ARIH1: variants seen among roughly 807,000 people sequenced by gnomAD.
ARIH1 encodes the protein ariadne RBR E3 ubiquitin protein ligase 1.
Under a neutral mutation model 85.0 loss-of-function variants are expected in ARIH1, and 8 were observed. That is an observed-to-expected ratio of 0.09 (90% CI 0.06 to 0.17). The LOEUF (loss-of-function observed/expected upper bound fraction) is 0.17, where lower values mean the gene tolerates loss of function less well. ARIH1 is among the 10% of genes least tolerant of loss of function. The pLI, the probability that ARIH1 is intolerant of heterozygous loss-of-function variation, is 1.00. For synonymous variants in ARIH1, 238 were observed against 253.6 expected (o/e 0.94, Z 0.59); for missense variants, 311 against 718.1 (o/e 0.43, Z 6.48).
Position 72,489,394 on chromosome 15 carries a change from G to C in ARIH1, c.375+14380G>C, listed in dbSNP as rs2063849994. 3.9e-5 allele frequency among the ~76,000 whole-genome samples: 6 copies of C among 152,088 alleles called. No individual in the cohort carries two copies. In the South Asian group the frequency reaches 1.0e-3, roughly 26 times the overall value. ...TTCTGGCATTTGTGCTGATGTTGCAGGGCAATGAGGAGGTAAAACCACTGG... is the reference window on the plus strand; with the variant it reads ...TTCTGGCATTTGTGCTGATGTTGCACGGCAATGAGGAGGTAAAACCACTGG... On this transcript the variant is annotated intron_variant, in intron 1 of 13. Coordinates refer to ENST00000379887, the MANE Select transcript of ARIH1 (RefSeq NM_005744.5).
In ARIH1 at chr15:72,599,499, GT is replaced by G. The variant is rs1369068475; in HGVS notation, c.*16208del. 6.6e-6 allele frequency: 1 copy of G among 152,026 alleles called. No homozygotes were observed. The highest frequency in any genetic ancestry group is 2.4e-5 in the African/African-American group (1 of 41,372). 9.4% of individuals were successfully genotyped at this position (152,026 alleles called of 1,614,324 possible). ...CTTTTCCAAACTGTATTTCTAAAATGTGTCAATATCTCTTCCTTTTATTTTT... is the reference window on the plus strand; with the variant it reads ...CTTTTCCAAACTGTATTTCTAAAATGGTCAATATCTCTTCCTTTTATTTTT... On this transcript the variant is annotated 3_prime_UTR_variant, in exon 14 of 14. Transcript: ENST00000379887.
intron 11 of ARIH1, among the ~76,000 whole-genome samples, chr15:72,575,837 C>G (rs1036895308): frequency 3.3e-5 from 5 of 152,104 alleles, no homozygotes; most frequent in African/African-American, 1.2e-4. Flanking sequence ...TTGATACTTA[C>G]CTGACTCTTG....
intron 2 of ARIH1, among the ~76,000 whole-genome samples, chr15:72,520,840 T>C (rs2063996373): frequency 1.3e-5 from 2 of 148,802 alleles, no homozygotes; most frequent in Non-Finnish European, 3.0e-5. Context: ...GATGTTTGAA[T>C]TTTTTTTTTT....
chr15:72,489,075 CA>C (rs201550464), intron 1 of ARIH1, among the ~76,000 whole-genome samples: 1 of 151,148 alleles, frequency 6.6e-6, no homozygotes, highest in East Asian at 1.9e-4. Flanking sequence ...TTTTTCTCTA[CA>C]AAAAAAATAA....
rs774057607 is a variant in ARIH1, at chr15:72,474,856, G to C, written c.217G>C (p.Ala73Pro). 1.4e-6 allele frequency: 2 copies of C among 1,414,820 alleles called. No homozygotes were observed. The highest frequency in any genetic ancestry group is 5.8e-5 in the East Asian group (2 of 34,368). The allele number at this position is 1,414,820 out of a possible 1,614,324, so 87.6% of individuals were successfully genotyped here. ...CGETGGGGGS[A>P]LGPGGGGGGG... ...GGAGACGGGCGGTGGCGGCGGCAGC[G>C]CTCTGGGGCCCGGCGGTGGCGGCGG... Residue 73 changes from alanine (A) to proline (P), a missense_variant, in exon 1 of 14, where the codon GCT becomes CCT. Around this residue, in one of 3 missense-constraint regions of ARIH1, gnomAD observed 157 missense variants for 185.1 expected, o/e 0.85. Coordinates refer to ENST00000379887, the MANE Select transcript of ARIH1 (RefSeq NM_005744.5).
At chr15:72,577,191 G>C (rs935677288) in intron 11 of ARIH1, among the ~76,000 whole-genome samples, 6 of 151,500 alleles carry the variant, frequency 4.0e-5, no homozygotes, top group Non-Finnish European at 8.8e-5. Context: ...CATCATGTTG[G>C]TCAGGCTGGT....
At chr15:72,510,510 C>T (rs1300274097) in intron 1 of ARIH1, among the ~76,000 whole-genome samples, 2 of 151,542 alleles carry the variant, frequency 1.3e-5, no homozygotes, top group African/African-American at 2.4e-5. Context: ...TTTGGGAGGC[C>T]GAGGCGGGTG....
intron 5 of ARIH1, among the ~76,000 whole-genome samples, chr15:72,557,888 C>T (rs1382038632): frequency 6.6e-6 from 1 of 152,142 alleles, no homozygotes; most frequent in Non-Finnish European, 1.5e-5. Context: ...GAATTTTGTA[C>T]ATTGATTTTG....
At chr15:72,510,907 T>A (rs1595857032) in intron 1 of ARIH1, among the ~76,000 whole-genome samples, 2 of 152,136 alleles carry the variant, frequency 1.3e-5, no homozygotes, top group African/African-American at 4.8e-5. Context: ...TTCATAGTTA[T>A]GTTTTGAAAT....
chr15:72,483,190 G>A (rs774362030), intron 1 of ARIH1, among the ~76,000 whole-genome samples: 71 of 152,066 alleles, frequency 4.7e-4, no homozygotes, highest in Admixed American at 8.5e-4. Context: ...GCTTGACTGG[G>A]GAAGCTTCCC....
Position 72,595,808 on chromosome 15 carries a change from G to GTTTTTTTTTTTTTTTTTTTTC in ARIH1, c.*12534_*12535insTTCTTTTTTTTTTTTTTTTTT, listed in dbSNP as rs59597213. ...TATTGCAGTGTTTTTTGTTTTTTCT[G>GTTTTTTTTTTTTTTTTTTTTC]TTTTTTTTTTTTTTTTTTCATCTTT... On this transcript the variant is annotated 3_prime_UTR_variant, in exon 14 of 14. Transcript: ENST00000379887. The GTTTTTTTTTTTTTTTTTTTTC allele has an allele frequency of 8.1e-6, 1 of 122,836 alleles. No homozygotes were observed. The highest frequency in any genetic ancestry group is 1.7e-5 in the Non-Finnish European group (1 of 57,682). 7.6% of individuals were successfully genotyped at this position (122,836 alleles called of 1,614,324 possible).
rs190186702 is a variant in ARIH1 at position 72,531,414 on chromosome 15, C to T, written c.443+13280C>T. ...TTCTGAGTACCTGGAATTACAGGCACGAGCCACTAGGCCTGGTTAACTTTA... is the reference window on the plus strand; with the variant it reads ...TTCTGAGTACCTGGAATTACAGGCATGAGCCACTAGGCCTGGTTAACTTTA... On this transcript the variant is annotated intron_variant, in intron 2 of 13. Coordinates refer to ENST00000379887, the MANE Select transcript of ARIH1 (RefSeq NM_005744.5). 4.6e-3 allele frequency among the ~76,000 whole-genome samples: 696 copies of T among 151,532 alleles called. 6 individuals carry two copies. Among genetic ancestry groups the T allele is most frequent in the African/African-American group, 0.016 (649 of 41,486 alleles).
At chr15:72,577,740 G>T (rs1229325176) in intron 11 of ARIH1, among the ~76,000 whole-genome samples, 1 of 152,074 alleles carries the variant, frequency 6.6e-6, no homozygotes, top group Non-Finnish European at 1.5e-5. Flanking sequence ...AGGCTGAGGA[G>T]GAAAGAAAAT....
chr15:72,593,035 T>C lies in ARIH1; in HGVS notation c.*9743T>C, dbSNP rs1045308582. 1.3e-5 allele frequency: 2 copies of C among 152,210 alleles called. No homozygotes were observed. Among genetic ancestry groups the C allele is most frequent in the African/African-American group, 2.4e-5 (1 of 41,458 alleles). 9.4% of individuals were successfully genotyped at this position (152,210 alleles called of 1,614,324 possible). ...TACCATTTTGTACTCCTATCAGTGATGTATGAGAGTTACAGTTGCTTCACA... is the reference window on the plus strand; with the variant it reads ...TACCATTTTGTACTCCTATCAGTGACGTATGAGAGTTACAGTTGCTTCACA... On this transcript the variant is annotated 3_prime_UTR_variant, in exon 14 of 14. Coordinates refer to ENST00000379887, the MANE Select transcript of ARIH1 (RefSeq NM_005744.5).
At chr15:72,502,951 C>G (rs1724961905) in intron 1 of ARIH1, among the ~76,000 whole-genome samples, 1 of 152,264 alleles carries the variant, frequency 6.6e-6, no homozygotes, top group South Asian at 2.1e-4. Context: ...CCTGTGGTAG[C>G]TTAGAAGTAA....
At chr15:72,476,438 C>T (rs190008252) in intron 1 of ARIH1, among the ~76,000 whole-genome samples, 345 of 152,324 alleles carry the variant, frequency 2.3e-3, no homozygotes, top group African/African-American at 7.8e-3. Context: ...AATCTCTGCT[C>T]ACTGCAACCT....
intron 2 of ARIH1, among the ~76,000 whole-genome samples, chr15:72,528,414 A>G (rs1053435284): frequency 6.6e-6 from 1 of 152,226 alleles, no homozygotes; most frequent in Non-Finnish European, 1.5e-5. Context: ...TTATGATAAC[A>G]TGGAACTTTT....
At chr15:72,488,263 G>C (rs1449567230) in intron 1 of ARIH1, among the ~76,000 whole-genome samples, 1 of 151,952 alleles carries the variant, frequency 6.6e-6, no homozygotes, top group African/African-American at 2.4e-5. Context: ...TTTTGGTAGA[G>C]ACAATTTTTT....
At chr15:72,571,282 C>A (rs2064245252) in intron 10 of ARIH1, among the ~76,000 whole-genome samples, 1 of 152,040 alleles carries the variant, frequency 6.6e-6, no homozygotes, top group African/African-American at 2.4e-5. Context: ...TGTTTCCCAT[C>A]CTCTGTAAAT....
Sources: allele counts gnomAD v4.1 joint callset (sites outside exome capture counted in the v4.1 genomes callset), GRCh38; gene constraint gnomAD v4.1.1; regional missense constraint gnomAD v4.1.1; transcripts MANE v1.5; gene names NCBI Gene and HGNC (gene_info 2026-07-23, HGNC 2026-07-21).